The following NTRK2 variants were observed in gnomAD, a reference collection of about 807,000 sequenced individuals.
NTRK2 encodes neurotrophic receptor tyrosine kinase 2, also known as BDNF/NT-3 growth factors receptor.
In NTRK2, 13 loss-of-function variants were observed where a neutral mutation model predicts 94.5. The observed-to-expected ratio is 0.14, with a 90% CI of 0.09 to 0.22. The LOEUF is 0.22. Ranked by LOEUF, NTRK2 falls within the 10% of genes least tolerant of loss-of-function variation. The probability of loss-of-function intolerance (pLI) is 1.00; values close to 1 mark genes in which losing one functional copy is unlikely to be tolerated. For missense variants in NTRK2, 639 were observed against 1,071.2 expected (o/e 0.60, Z 5.63); for synonymous variants, 372 against 407.4 (o/e 0.91, Z 1.05).
At chr9:84,753,239 A>G (rs1295591491) in intron 12 of NTRK2, among the ~76,000 whole-genome samples, 2 of 152,030 alleles carry the variant, frequency 1.3e-5, no homozygotes, top group Admixed American at 1.3e-4. Context: ...GGGAGGAAAG[A>G]TCTTTCATTC....
intron 12 of NTRK2, among the ~76,000 whole-genome samples, chr9:84,784,443 A>C (rs891687753): frequency 3.9e-5 from 6 of 152,144 alleles, no homozygotes; most frequent in Non-Finnish European, 7.4e-5. Context: ...GACAATGGGA[A>C]TGGTACTCTT....
chr9:84,687,613 G>A (rs536072134), intron 2 of NTRK2, among the ~76,000 whole-genome samples: 3 of 152,262 alleles, frequency 2.0e-5, no homozygotes, highest in Admixed American at 2.0e-4. Flanking sequence ...AGTTCAGAAG[G>A]CAATAGATAC....
chr9:84,867,519 T>C, intron 14 of NTRK2, 88 bp downstream of exon 14: 1 of 1,128,410 alleles, frequency 8.9e-7, no homozygotes, highest in Non-Finnish European at 1.4e-6. Context: ...TAGGGATGAC[T>C]GGCGGGGAAC....
chr9:85,014,055 A>C (rs1831941741), intron 17 of NTRK2, among the ~76,000 whole-genome samples: 1 of 152,224 alleles, frequency 6.6e-6, no homozygotes, highest in Non-Finnish European at 1.5e-5. Context: ...GAAGCACAGA[A>C]GGGAGATGAC....
intron 6 of NTRK2, among the ~76,000 whole-genome samples, chr9:84,720,872 C>A (rs865866774): frequency 6.6e-6 from 1 of 152,064 alleles, no homozygotes. Flanking sequence ...TAAAAGGGGG[C>A]TTTAAAGGTT....
chr9:84,917,744 GT>G (rs1272381473), intron 14 of NTRK2, among the ~76,000 whole-genome samples: 1 of 152,106 alleles, frequency 6.6e-6, no homozygotes, highest in African/African-American at 2.4e-5. Context: ...AAAAGAAAGG[GT>G]TTTTCCTAAA....
intron 6 of NTRK2, among the ~76,000 whole-genome samples, chr9:84,717,757 A>C (rs1257213611): frequency 6.6e-6 from 1 of 152,254 alleles, no homozygotes; most frequent in East Asian, 1.9e-4. Flanking sequence ...AGTTAGATTT[A>C]AATGTATTTT....
rs78305006 is a variant in NTRK2, at chr9:84,804,798, A to G, written c.1396+52713A>G. The stretch of plus-strand genomic sequence containing the variant: ...GGAATGACATCTTTAAGAAAATGTC[A>G]TTTCACTCTACAGATATCGACCCTA... On this transcript the variant is annotated intron_variant, in intron 12 of 18. Transcript: ENST00000277120. Among the ~76,000 whole-genome samples the G allele has an allele frequency of 2.0e-5, 3 of 152,206 alleles. No individual in the cohort carries two copies. In the East Asian group the frequency reaches 5.8e-4, roughly 29 times the overall value.
chr9:84,969,994 G>A (rs1390944048), intron 17 of NTRK2, among the ~76,000 whole-genome samples: 1 of 152,194 alleles, frequency 6.6e-6, no homozygotes, highest in East Asian at 1.9e-4. Flanking sequence ...CATAGTCTCT[G>A]GAGCCAGATT....
At chr9:84,857,784 G>A (rs918033473) in intron 12 of NTRK2, among the ~76,000 whole-genome samples, 1 of 152,118 alleles carries the variant, frequency 6.6e-6, no homozygotes, top group South Asian at 2.1e-4. Flanking sequence ...AGGCCCAAAT[G>A]AGAAACGAAT....
chr9:84,770,348 T>C (rs1021492306), intron 12 of NTRK2, among the ~76,000 whole-genome samples: 1 of 152,182 alleles, frequency 6.6e-6, no homozygotes, highest in Non-Finnish European at 1.5e-5. Context: ...ACAAGTTCTC[T>C]GCAGGATCTG....
chr9:84,948,467 G>A lies in NTRK2; in HGVS notation c.1770G>A (p.Leu590=), dbSNP rs1169073646. ...CTTTTAACACCCATCCCCAGACCCTGAAGGATGCCAGTGACAATGCACGCA... is the reference window on the plus strand; with the variant it reads ...CTTTTAACACCCATCCCCAGACCCTAAAGGATGCCAGTGACAATGCACGCA... ...QDKILVAVKT[L]KDASDNARKD... is the part of the protein sequence containing the mutation. The change falls in exon 16 of 19, where the codon CTG becomes CTA. Residue 590 remains leucine, a synonymous_variant. Transcript: ENST00000277120. 3 of 1,614,132 alleles carry A rather than the reference G, an allele frequency of 1.9e-6. No homozygotes were observed. Among genetic ancestry groups the A allele is most frequent in the Non-Finnish European group, 2.5e-6 (3 of 1,180,010 alleles).
At position 84,736,376 on chromosome 9, in the gene NTRK2, C is replaced by T. The variant is rs76484538; in HGVS notation, c.1160-5516C>T. Among the ~76,000 whole-genome samples the T allele has an allele frequency of 4.7e-3, 719 of 152,276 alleles. 9 individuals are homozygous for T. The highest frequency in any genetic ancestry group is 0.016 in the African/African-American group (679 of 41,556). On this transcript the variant is annotated intron_variant, in intron 9 of 18. Coordinates refer to ENST00000277120, the MANE Select transcript of NTRK2 (RefSeq NM_006180.6). ...AGCTTCTCCTTCCGTGCTGTTTTAT[C>T]GAAAGATTCATGACATCTGGATGAA...
intron 14 of NTRK2, among the ~76,000 whole-genome samples, chr9:84,903,083 G>A (rs1807780864): frequency 6.6e-6 from 1 of 152,138 alleles, no homozygotes; most frequent in South Asian, 2.1e-4. Context: ...TTGAAAATCT[G>A]TACACGTAAC....
intron 14 of NTRK2, among the ~76,000 whole-genome samples, chr9:84,916,697 A>G (rs2132536768): frequency 6.6e-6 from 1 of 152,284 alleles, no homozygotes; most frequent in Non-Finnish European, 1.5e-5. Context: ...TGAGCCTGAT[A>G]CTGCTGACTT....
chr9:84,811,692 C>T (rs202239090), intron 12 of NTRK2: 71 of 1,065,468 alleles, frequency 6.7e-5, no homozygotes, highest in Non-Finnish European at 8.1e-5. Flanking sequence ...CTGACCCCAG[C>T]AGCAAAGAGG....
At chr9:84,864,256 A>T (rs2075468090) in intron 13 of NTRK2, among the ~76,000 whole-genome samples, 1 of 152,114 alleles carries the variant, frequency 6.6e-6, no homozygotes, top group African/African-American at 2.4e-5. Flanking sequence ...CTCCAGAAGG[A>T]AATATTGCTG....
chr9:84,916,744 G>A (rs2077405127), intron 14 of NTRK2, among the ~76,000 whole-genome samples: 1 of 152,028 alleles, frequency 6.6e-6, no homozygotes, highest in South Asian at 2.1e-4. Context: ...AGACCAAGTG[G>A]CAGAGAAAAA....
At chr9:84,885,203 C>T (rs1194725444) in intron 14 of NTRK2, among the ~76,000 whole-genome samples, 1 of 152,160 alleles carries the variant, frequency 6.6e-6, no homozygotes, top group African/African-American at 2.4e-5. Context: ...TTAAGTAAAT[C>T]AGAAGTTATT....
Sources: allele counts gnomAD v4.1 joint callset (sites outside exome capture counted in the v4.1 genomes callset), GRCh38; gene constraint gnomAD v4.1.1; transcripts MANE v1.5; gene names NCBI Gene and HGNC (gene_info 2026-07-23, HGNC 2026-07-21).